Variants in SRGAP3 observed in about 807,000 individuals in gnomAD.
The protein encoded by SRGAP3 is SLIT-ROBO Rho GTPase activating protein 3, also known as SLIT-ROBO Rho GTPase-activating protein 3.
Under a neutral mutation model 121.1 loss-of-function variants are expected in SRGAP3, and 39 were observed. The observed-to-expected ratio is 0.32, with a 90% CI of 0.25 to 0.42. The LOEUF is 0.42. SRGAP3 is among the 10% of genes least tolerant of loss of function. SRGAP3 has a pLI of 1.00. For synonymous variants in SRGAP3, 601 were observed against 570.0 expected, an observed-to-expected ratio of 1.05 and a Z score of -0.77; for missense variants, 1,213 against 1,470.6, an observed-to-expected ratio of 0.82 and a Z score of 2.86.
At chr3:9,362,117 C>G (rs1477625377) in intron 1 of SRGAP3, among the ~76,000 whole-genome samples, 1 of 149,082 alleles carries the variant, frequency 6.7e-6, no homozygotes, top group Non-Finnish European at 1.5e-5. Flanking sequence ...TGACTGGAAG[C>G]TAGGCTTCCC....
intron 1 of SRGAP3, among the ~76,000 whole-genome samples, chr3:9,153,039 C>T (rs2125059221): frequency 6.6e-6 from 1 of 152,296 alleles, no homozygotes; most frequent in East Asian, 1.9e-4. Context: ...GCCCCACATG[C>T]TCATTTCTAT....
chr3:9,191,012 C>T (rs1951736450), intron 1 of SRGAP3, among the ~76,000 whole-genome samples: 2 of 152,158 alleles, frequency 1.3e-5, no homozygotes, highest in African/African-American at 4.8e-5. Flanking sequence ...GGAAGTCTTC[C>T]CTTACTCCAT....
At position 9,058,299 on chromosome 3, in the gene SRGAP3, G is replaced by A. The variant is rs61747290; in HGVS notation, c.975C>T (p.Val325=). Residue 325 remains valine (V), a synonymous_variant, in exon 7 of 22, where the codon GTC becomes GTT. Transcript: ENST00000383836. The part of the protein sequence containing the change: ...KHTVMDMCNQ[V]FCPPLKFEFQ... ...ACTCGAACTTGAGTGGAGGGCAGAA[G>A]ACTTGATTGCACATGTCCATGACTG... 1.9e-6 allele frequency: 3 copies of A among 1,614,246 alleles called. No homozygotes were observed. The highest frequency in any genetic ancestry group is 8.5e-7 in the Non-Finnish European group (1 of 1,180,038).
At chr3:9,347,807 C>A (rs958084711) in intron 1 of SRGAP3, among the ~76,000 whole-genome samples, 1 of 152,170 alleles carries the variant, frequency 6.6e-6, no homozygotes, top group African/African-American at 2.4e-5. Flanking sequence ...TGATTTCCAC[C>A]AGCCCAACTT....
At chr3:9,113,022 C>A (rs993479832) in intron 2 of SRGAP3, among the ~76,000 whole-genome samples, 2 of 152,172 alleles carry the variant, frequency 1.3e-5, no homozygotes, top group African/African-American at 4.8e-5. Flanking sequence ...CTCATGGGCA[C>A]GGGCATCATC....
chr3:9,206,681 C>A (rs1952277118), intron 1 of SRGAP3, among the ~76,000 whole-genome samples: 1 of 152,162 alleles, frequency 6.6e-6, no homozygotes, highest in Non-Finnish European at 1.5e-5. Context: ...GCATGGCCAG[C>A]TCACCCTTCA....
chr3:9,029,207 C>T (rs1231082804), intron 12 of SRGAP3, among the ~76,000 whole-genome samples: 1 of 152,192 alleles, frequency 6.6e-6, no homozygotes, highest in African/African-American at 2.4e-5. Context: ...ATAGTGCTTA[C>T]TATGTGCCAT....
chr3:9,356,575 G>A (rs1042435129), intron 1 of SRGAP3, among the ~76,000 whole-genome samples: 4 of 151,490 alleles, frequency 2.6e-5, no homozygotes, highest in East Asian at 3.9e-4. Context: ...GGGTTTCACC[G>A]TGTTAGCCAG....
chr3:9,340,407 C>A (rs1489058660), intron 1 of SRGAP3, among the ~76,000 whole-genome samples: 3 of 152,220 alleles, frequency 2.0e-5, no homozygotes, highest in African/African-American at 7.2e-5. Context: ...CCAAATGAAG[C>A]TTCTCCAATA....
chr3:9,075,812 C>G (rs774996400), intron 4 of SRGAP3, among the ~76,000 whole-genome samples: 2 of 152,190 alleles, frequency 1.3e-5, no homozygotes, highest in Non-Finnish European at 2.9e-5. Context: ...ACTTGTATAA[C>G]CAGGCATGGT....
chr3:9,254,282 C>T (rs1954078908), upstream of SRGAP3, among the ~76,000 whole-genome samples: 1 of 152,074 alleles, frequency 6.6e-6, no homozygotes, highest in Non-Finnish European at 1.5e-5. Context: ...AAATGAAGTA[C>T]CAATACATGC....
chr3:9,141,015 A>T (rs2125031701), intron 1 of SRGAP3, among the ~76,000 whole-genome samples: 1 of 152,360 alleles, frequency 6.6e-6, no homozygotes, highest in African/African-American at 2.4e-5. Flanking sequence ...GAAGAACACA[A>T]GATCTGACAA....
chr3:9,059,362 G>T (rs1365892463), intron 6 of SRGAP3: 1 of 152,310 alleles, frequency 6.6e-6, no homozygotes, highest in Admixed American at 6.5e-5. Context: ...CGAAAAGCAG[G>T]AAAGAGGAAG....
intron 18 of SRGAP3, among the ~76,000 whole-genome samples, chr3:9,009,697 G>T (rs561580165): frequency 6.6e-6 from 1 of 152,102 alleles, no homozygotes; most frequent in Non-Finnish European, 1.5e-5. Context: ...TCTGGAAGGG[G>T]TGGAGGAATC....
intron 3 of SRGAP3, among the ~76,000 whole-genome samples, chr3:9,082,111 A>C (rs1287036968): frequency 6.6e-6 from 1 of 151,936 alleles, no homozygotes; most frequent in Non-Finnish European, 1.5e-5. Flanking sequence ...GTGTATTCTG[A>C]AGTGTGTGGC....
intron 3 of SRGAP3, among the ~76,000 whole-genome samples, chr3:9,099,747 A>G (rs972136534): frequency 6.6e-5 from 10 of 152,178 alleles, no homozygotes; most frequent in Non-Finnish European, 2.9e-5. Context: ...CCTTAAACCT[A>G]CTGAATCGGA....
At chr3:9,039,902 T>C (rs1051710001) in intron 10 of SRGAP3, among the ~76,000 whole-genome samples, 1 of 152,232 alleles carries the variant, frequency 6.6e-6, no homozygotes, top group Non-Finnish European at 1.5e-5. Context: ...TTCTTTTATC[T>C]CAAACCTTAA....
At chr3:9,288,914 T>G (rs1954828146) in intron 3 of SRGAP3, among the ~76,000 whole-genome samples, 1 of 151,884 alleles carries the variant, frequency 6.6e-6, no homozygotes, top group Non-Finnish European at 1.5e-5. Flanking sequence ...TTTCTTTTTT[T>G]CAGATGGAGT....
At chr3:9,084,354 T>C (rs1442990988) in intron 3 of SRGAP3, among the ~76,000 whole-genome samples, 1 of 152,176 alleles carries the variant, frequency 6.6e-6, no homozygotes, top group African/African-American at 2.4e-5. Context: ...AGTATGTGAC[T>C]TAACTGGATG....
Sources: allele counts gnomAD v4.1 joint callset (sites outside exome capture counted in the v4.1 genomes callset), GRCh38; gene constraint gnomAD v4.1.1; transcripts MANE v1.5; gene names NCBI Gene and HGNC (gene_info 2026-07-23, HGNC 2026-07-21).